The following PTER variants were observed in gnomAD, a reference collection of about 807,000 sequenced individuals.
PTER encodes the protein N-acetyltaurine hydrolase.
PTER carries 38 observed loss-of-function variants against 29.6 expected under a neutral mutation model. The ratio of observed to expected loss-of-function variants is 1.28; its 90% confidence interval spans 0.99 to 1.68. PTER has a LOEUF of 1.68. PTER is among the 40% of genes most tolerant of loss of function. The probability of loss-of-function intolerance (pLI) is 0.00; values close to 1 mark genes in which losing one functional copy is unlikely to be tolerated. For missense variants in PTER, 482 were observed against 427.8 expected (o/e 1.13, Z -1.12); for synonymous variants, 172 against 154.5 (o/e 1.11, Z -0.84).
At chr10:16,514,331 T>C, downstream of PTER, 1 of 588,720 alleles carries the variant, frequency 1.7e-6, no homozygotes. Flanking sequence ...GGATCACACA[T>C]CTGCTTATCT....
At chr10:16,514,817 G>T, downstream of PTER, 1 of 754,556 alleles carries the variant, frequency 1.3e-6, no homozygotes, top group Non-Finnish European at 2.1e-6. Flanking sequence ...ACAGAATTTA[G>T]CATAGCAAAG....
At chr10:16,496,684 G>A (rs539661816) in intron 3 of PTER, among the ~76,000 whole-genome samples, 18 of 152,182 alleles carry the variant, frequency 1.2e-4, no homozygotes, top group Middle Eastern at 3.4e-3. Flanking sequence ...ATTTGTTTCC[G>A]TGTCTCTTTT....
intron 2 of PTER, 149 bp downstream of exon 2, chr10:16,484,965 A>G: frequency 1.3e-6 from 1 of 791,986 alleles, no homozygotes; most frequent in Non-Finnish European, 1.9e-6. Flanking sequence ...CCAGTTAGTA[A>G]CACTGTATTT....
chr10:16,501,818 C>T (rs1836361199), intron 3 of PTER, among the ~76,000 whole-genome samples: 1 of 152,176 alleles, frequency 6.6e-6, no homozygotes, highest in Admixed American at 6.5e-5. Context: ...AGCACATCAC[C>T]TTGAGTGACT....
intron 3 of PTER, among the ~76,000 whole-genome samples, chr10:16,497,025 C>G (rs1210466536): frequency 6.6e-6 from 1 of 151,362 alleles, no homozygotes; most frequent in Non-Finnish European, 1.5e-5. Context: ...GCCTTTGCCT[C>G]CTGGGTTCCA....
chr10:16,472,829 G>A (rs1164417688), intron 1 of PTER, among the ~76,000 whole-genome samples: 1 of 152,094 alleles, frequency 6.6e-6, no homozygotes, highest in Non-Finnish European at 1.5e-5. Flanking sequence ...TGTGCTTCAG[G>A]TTTAGTTTGT....
rs1329757976 is a variant in PTER, at chr10:16,484,342, A to G, written c.-43A>G. ...GTTTGTTTGTTTGTTTTTAGAAAAA[A>G]GAAATCCTCTTTTTAGAACATCTCT... On this transcript the variant is annotated 5_prime_UTR_variant, in exon 2 of 5. Coordinates refer to ENST00000535784, the MANE Select transcript of PTER (RefSeq NM_001261836.2). 11 of 1,494,996 alleles carry G rather than the reference A, an allele frequency of 7.4e-6. No individual in the cohort carries two copies. The highest frequency in any genetic ancestry group is 2.8e-5 in the African/African-American group (2 of 70,858). The allele number at this position is 1,494,996 out of a possible 1,614,324, so 92.6% of individuals were successfully genotyped here. A position where few individuals can be genotyped will look rare whatever the true frequency, so the allele number is the denominator to read the frequency against.
intron 4 of PTER, among the ~76,000 whole-genome samples, chr10:16,505,524 C>A (rs1836527198): frequency 6.6e-6 from 1 of 152,108 alleles, no homozygotes; most frequent in Non-Finnish European, 1.5e-5. Flanking sequence ...CACACTAAAG[C>A]CATAACTTCC....
downstream of PTER, chr10:16,514,389 TCA>T (rs1836915704): frequency 1.5e-6 from 1 of 660,998 alleles, no homozygotes; most frequent in African/African-American, 1.8e-5. Context: ...CAGATGTGAG[TCA>T]GGTAGCATTT....
chr10:16,479,434 T>C (rs1026902829), intron 1 of PTER, among the ~76,000 whole-genome samples: 6 of 151,964 alleles, frequency 3.9e-5, no homozygotes, highest in Admixed American at 6.6e-5. Flanking sequence ...TCAAAGAAGA[T>C]ATATTGCAGG....
At chr10:16,504,814 T>C (rs544324890) in intron 3 of PTER, among the ~76,000 whole-genome samples, 1 of 152,324 alleles carries the variant, frequency 6.6e-6, no homozygotes, top group East Asian at 1.9e-4. Flanking sequence ...GAAAACTCCT[T>C]TTTAGATGAG....
At chr10:16,508,679 A>G (rs1028134313) in intron 4 of PTER, among the ~76,000 whole-genome samples, 3 of 146,654 alleles carry the variant, frequency 2.0e-5, no homozygotes, top group African/African-American at 7.7e-5. Context: ...TTATAATATA[A>G]ATCTGTGTAT....
chr10:16,438,077 C>G (rs539495598), intron 1 of PTER, among the ~76,000 whole-genome samples: 3 of 152,186 alleles, frequency 2.0e-5, no homozygotes, highest in Admixed American at 2.0e-4. Flanking sequence ...GCGATCTCGG[C>G]TCACTGCAAC....
intron 1 of PTER, among the ~76,000 whole-genome samples, chr10:16,482,009 C>A (rs986799684): frequency 6.6e-6 from 1 of 152,154 alleles, no homozygotes; most frequent in Non-Finnish European, 1.5e-5. Flanking sequence ...CTGTATAGTG[C>A]CTGGCAGCTG....
At chr10:16,437,626 A>G (rs1169358540) in intron 1 of PTER, 2 of 151,998 alleles carry the variant, frequency 1.3e-5, no homozygotes, top group African/African-American at 4.8e-5. Flanking sequence ...TTACAGGTCT[A>G]TATTTTTTGA....
At chr10:16,485,481 T>C (rs778142495) in intron 2 of PTER, among the ~76,000 whole-genome samples, 8 of 152,208 alleles carry the variant, frequency 5.3e-5, no homozygotes, top group Non-Finnish European at 1.2e-4. Context: ...TTTACACATA[T>C]ATGTATATAT....
chr10:16,468,457 T>A (rs1437930831), intron 1 of PTER, among the ~76,000 whole-genome samples: 7 of 152,196 alleles, frequency 4.6e-5, no homozygotes, highest in African/African-American at 1.7e-4. Flanking sequence ...CTTCTATTTA[T>A]AATTCTTTGC....
In PTER at chr10:16,484,405, A is replaced by G; in HGVS notation, c.21A>G (p.Lys7=). The G allele has an allele frequency of 6.3e-7, 1 of 1,589,206 alleles. No homozygotes were observed. Among genetic ancestry groups the G allele is most frequent in the Non-Finnish European group, 8.5e-7 (1 of 1,172,610 alleles). ...CAGAAATGTCTTCCTTAAGTGGAAAAGTCCAAACCGTTTTGGGCCTTGTAG... is the reference window on the plus strand; with the variant it reads ...CAGAAATGTCTTCCTTAAGTGGAAAGGTCCAAACCGTTTTGGGCCTTGTAG... MSSLSG[K]VQTVLGLVEP... Residue 7 remains lysine (K), a synonymous_variant, in exon 2 of 5, where the codon AAA becomes AAG. Transcript: ENST00000535784.
chr10:16,493,691 A>G (rs890049266), intron 3 of PTER, among the ~76,000 whole-genome samples: 9 of 150,862 alleles, frequency 6.0e-5, no homozygotes, highest in Admixed American at 6.6e-5. Context: ...GGAAAGGGAG[A>G]GGGAGGGAGG....
Sources: gnomAD v4.1 joint callset for allele counts (sites outside exome capture counted in the v4.1 genomes callset) on GRCh38, gnomAD v4.1.1 for gene constraint, MANE v1.5 for transcripts, NCBI Gene and HGNC (gene_info 2026-07-23, HGNC 2026-07-21) for gene names.